Variants in FOXN3 observed in about 807,000 individuals in gnomAD.
FOXN3 encodes the protein forkhead box N3, also known as forkhead box protein N3.
Under a neutral mutation model 38.4 loss-of-function variants are expected in FOXN3, and 7 were observed. The ratio of observed to expected loss-of-function variants is 0.18; its 90% confidence interval spans 0.10 to 0.34. The LOEUF (loss-of-function observed/expected upper bound fraction) is 0.34. Among genes scored for constraint, FOXN3 ranks in the 10% least tolerant of loss-of-function variants. The pLI is 1.00. For missense variants in FOXN3, 456 were observed against 613.4 expected, an observed-to-expected ratio of 0.74 and a Z score of 2.71; for synonymous variants, 230 against 242.2, an observed-to-expected ratio of 0.95 and a Z score of 0.47.
At chr14:89,605,033 A>G (rs1896241161) in intron 1 of FOXN3, among the ~76,000 whole-genome samples, 1 of 152,094 alleles carries the variant, frequency 6.6e-6, no homozygotes, top group Admixed American at 6.5e-5. Flanking sequence ...TATCCTCACT[A>G]AATGAAACCT....
intron 1 of FOXN3, among the ~76,000 whole-genome samples, chr14:89,517,841 T>C (rs1894236693): frequency 6.6e-6 from 1 of 152,236 alleles, no homozygotes; most frequent in African/African-American, 2.4e-5. Flanking sequence ...CTAGGTGTTA[T>C]CTAAGTGAAT....
At chr14:89,197,270 G>A (rs993410056) in intron 4 of FOXN3, among the ~76,000 whole-genome samples, 3 of 152,206 alleles carry the variant, frequency 2.0e-5, no homozygotes, top group Admixed American at 2.0e-4. Flanking sequence ...CACTTTGGGA[G>A]GCCAAGGTGG....
At chr14:89,256,455 G>A (rs755364916) in intron 4 of FOXN3, among the ~76,000 whole-genome samples, 1 of 152,174 alleles carries the variant, frequency 6.6e-6, no homozygotes, top group Non-Finnish European at 1.5e-5. Flanking sequence ...CAAACAGGCT[G>A]GGTGGACGTC....
chr14:89,222,316 G>GT (rs1431958652), intron 4 of FOXN3, among the ~76,000 whole-genome samples: 3 of 152,038 alleles, frequency 2.0e-5, no homozygotes, highest in East Asian at 3.9e-4. Context: ...GCGTTGCCTG[G>GT]TCCCCCAAGA....
At chr14:89,416,608 A>G (rs1891737332) in intron 1 of FOXN3, among the ~76,000 whole-genome samples, 1 of 151,774 alleles carries the variant, frequency 6.6e-6, no homozygotes. Context: ...AGACAATACC[A>G]ACTCTGTTCC....
intron 1 of FOXN3, among the ~76,000 whole-genome samples, chr14:89,516,559 GTT>G (rs546187742): frequency 0.016 from 2,068 of 129,516 alleles, 19 homozygotes; most frequent in Middle Eastern, 0.027. Context: ...GCTGCCAGTA[GTT>G]TTTTTTTTTT....
At chr14:89,267,821 G>C (rs754323116) in intron 4 of FOXN3, among the ~76,000 whole-genome samples, 24 of 152,108 alleles carry the variant, frequency 1.6e-4, no homozygotes, top group Non-Finnish European at 2.5e-4. Context: ...GTTGGCGGTG[G>C]GGGCCGTGGC....
intron 1 of FOXN3, among the ~76,000 whole-genome samples, chr14:89,615,116 A>ATTTTTTTT (rs374606775): frequency 3.4e-4 from 36 of 106,762 alleles, no homozygotes; most frequent in Admixed American, 6.8e-4. Context: ...CCCAATTTCG[A>ATTTTTTTT]TTTTTTTTTT....
chr14:89,321,069 C>T (rs1887882095), intron 3 of FOXN3, among the ~76,000 whole-genome samples: 1 of 152,044 alleles, frequency 6.6e-6, no homozygotes, highest in South Asian at 2.1e-4. Context: ...GGGCAGATCA[C>T]TTGAGGCCAG....
intron 4 of FOXN3, among the ~76,000 whole-genome samples, chr14:89,210,742 A>T (rs1220010265): frequency 6.6e-6 from 1 of 152,212 alleles, no homozygotes; most frequent in Non-Finnish European, 1.5e-5. Context: ...AGCACCCAGT[A>T]ATGGAAAGGG....
chr14:89,503,814 A>G (rs572660499), intron 1 of FOXN3, among the ~76,000 whole-genome samples: 2 of 152,346 alleles, frequency 1.3e-5, no homozygotes, highest in South Asian at 2.1e-4. Flanking sequence ...TTAACACATA[A>G]GAGGGTTTCT....
intron 3 of FOXN3, among the ~76,000 whole-genome samples, chr14:89,295,247 C>T (rs561288242): frequency 6.6e-6 from 1 of 152,208 alleles, no homozygotes; most frequent in Admixed American, 6.5e-5. Context: ...ATCCCAGGTA[C>T]CCAGGACACC....
chr14:89,167,512 A>C (rs752554936), intron 5 of FOXN3, among the ~76,000 whole-genome samples: 2 of 152,184 alleles, frequency 1.3e-5, no homozygotes, highest in Non-Finnish European at 2.9e-5. Context: ...GATTAATGGG[A>C]TTGTAGAAGC....
chr14:89,618,445 GA>G (rs1395985721), intron 1 of FOXN3, among the ~76,000 whole-genome samples: 2 of 152,220 alleles, frequency 1.3e-5, no homozygotes, highest in African/African-American at 4.8e-5. Context: ...ACCCTCAGTG[GA>G]AACTCATCTG....
At chr14:89,433,825 A>AG (rs57453858) in intron 1 of FOXN3, among the ~76,000 whole-genome samples, 1 of 151,964 alleles carries the variant, frequency 6.6e-6, no homozygotes, top group African/African-American at 2.4e-5. Flanking sequence ...AAAAAAAAAA[A>AG]GAAAAGAAAC....
intron 3 of FOXN3, among the ~76,000 whole-genome samples, chr14:89,314,027 T>C (rs1399349099): frequency 6.6e-6 from 1 of 152,154 alleles, no homozygotes; most frequent in East Asian, 1.9e-4. Context: ...TGCAGAAAGT[T>C]CTAGAGATTG....
chr14:89,547,116 T>C (rs948332924), intron 1 of FOXN3, among the ~76,000 whole-genome samples: 6 of 152,172 alleles, frequency 3.9e-5, no homozygotes, highest in Non-Finnish European at 8.8e-5. Context: ...GAACAGAGGC[T>C]GGGCAAGGTG....
intron 3 of FOXN3, among the ~76,000 whole-genome samples, chr14:89,346,505 T>C (rs1036438991): frequency 3.3e-5 from 5 of 152,184 alleles, no homozygotes; most frequent in African/African-American, 1.2e-4. Flanking sequence ...CATTGTTTGA[T>C]GTTTTTCCCA....
intron 1 of FOXN3, among the ~76,000 whole-genome samples, chr14:89,593,105 AAGG>A (rs771345454): frequency 3.3e-4 from 46 of 140,422 alleles, no homozygotes; most frequent in African/African-American, 5.6e-4. Context: ...GAAGGAAAGA[AAGG>A]AGAGAGAGAG....
Sources: gnomAD v4.1 joint callset for allele counts (sites outside exome capture counted in the v4.1 genomes callset) on GRCh38, gnomAD v4.1.1 for gene constraint, MANE v1.5 for transcripts, NCBI Gene and HGNC (gene_info 2026-07-23, HGNC 2026-07-21) for gene names.